Variants in CAMKMT observed in about 807,000 individuals in gnomAD.
The protein encoded by CAMKMT is CaM KMT.
CAMKMT carries 53 observed loss-of-function variants against 48.0 expected under a neutral mutation model. The ratio of observed to expected loss-of-function variants is 1.10; its 90% confidence interval spans 0.89 to 1.39. The LOEUF (loss-of-function observed/expected upper bound fraction) is 1.39. Ranked by LOEUF, CAMKMT falls within the 40% of genes most tolerant of loss-of-function variation. The probability of loss-of-function intolerance (pLI) is 0.00; values close to 1 mark genes in which losing one functional copy is unlikely to be tolerated. For synonymous variants in CAMKMT, 165 were observed against 152.3 expected, an observed-to-expected ratio of 1.08 and a Z score of -0.61; for missense variants, 428 against 402.7, an observed-to-expected ratio of 1.06 and a Z score of -0.54.
intron 3 of CAMKMT, among the ~76,000 whole-genome samples, chr2:44,616,541 T>G (rs1671900437): frequency 6.6e-6 from 1 of 151,934 alleles, no homozygotes; most frequent in African/African-American, 2.4e-5. Context: ...ACAATATATT[T>G]TTTTGATTCA....
At chr2:44,490,021 C>T (rs950605583) in intron 3 of CAMKMT, among the ~76,000 whole-genome samples, 3 of 152,012 alleles carry the variant, frequency 2.0e-5, no homozygotes, top group African/African-American at 7.2e-5. Context: ...CACACACACA[C>T]ACAAATATAT....
At chr2:44,524,964 A>AT (rs1442381752) in intron 3 of CAMKMT, among the ~76,000 whole-genome samples, 9 of 150,240 alleles carry the variant, frequency 6.0e-5, no homozygotes, top group Middle Eastern at 3.5e-3. Flanking sequence ...TGCAAATTTC[A>AT]TAAAAAAAAA....
chr2:44,405,365 A>T (rs990249774), intron 3 of CAMKMT, among the ~76,000 whole-genome samples: 1 of 152,126 alleles, frequency 6.6e-6, no homozygotes, highest in African/African-American at 2.4e-5. Flanking sequence ...TATAGCAATC[A>T]AAAAGAATGG....
At chr2:44,406,274 TAA>T (rs1004908372) in intron 3 of CAMKMT, among the ~76,000 whole-genome samples, 7 of 152,166 alleles carry the variant, frequency 4.6e-5, no homozygotes, top group South Asian at 2.1e-4. Flanking sequence ...CATTTTGCCT[TAA>T]GTCTTTTTTT....
chr2:44,439,694 C>T (rs1666517311), intron 3 of CAMKMT, among the ~76,000 whole-genome samples: 1 of 151,824 alleles, frequency 6.6e-6, no homozygotes, highest in Non-Finnish European at 1.5e-5. Flanking sequence ...AAAAATCAGC[C>T]GGGCGTCGTG....
At chr2:44,681,560 G>T (rs1445744289) in intron 3 of CAMKMT, among the ~76,000 whole-genome samples, 1 of 151,282 alleles carries the variant, frequency 6.6e-6, no homozygotes, top group Non-Finnish European at 1.5e-5. Context: ...TTTTTTGGAG[G>T]GGGAGGGGAA....
intron 1 of CAMKMT, among the ~76,000 whole-genome samples, chr2:44,368,664 C>G (rs786620): frequency 6.6e-6 from 1 of 151,868 alleles, no homozygotes; most frequent in Non-Finnish European, 1.5e-5. Context: ...TACCTTGGTG[C>G]CATTACCTTG....
At chr2:44,602,785 C>A (rs1187146831) in intron 3 of CAMKMT, among the ~76,000 whole-genome samples, 2 of 152,040 alleles carry the variant, frequency 1.3e-5, no homozygotes, top group African/African-American at 4.8e-5. Context: ...GGAAAATTCG[C>A]ATCCACGATC....
intron 3 of CAMKMT, among the ~76,000 whole-genome samples, chr2:44,450,101 C>T (rs1008477232): frequency 2.6e-5 from 4 of 152,012 alleles, no homozygotes; most frequent in Admixed American, 2.0e-4. Flanking sequence ...AATGAGGGAC[C>T]GATGCTTTTA....
chr2:44,729,023 T>TAA (rs58088335), intron 7 of CAMKMT, among the ~76,000 whole-genome samples: 1 of 146,688 alleles, frequency 6.8e-6, no homozygotes, highest in Non-Finnish European at 1.5e-5. Context: ...TTTGTTTTTT[T>TAA]AAAAAAAAAA....
intron 3 of CAMKMT, among the ~76,000 whole-genome samples, chr2:44,659,896 A>G (rs1486194369): frequency 1.3e-5 from 2 of 152,176 alleles, no homozygotes; most frequent in Non-Finnish European, 2.9e-5. Context: ...ATTATTATAG[A>G]ACAGTAATTC....
rs930552505 is a variant in CAMKMT at position 44,618,035 on chromosome 2, C to G, written c.377-86248C>G. ...CTGAGCTATTCTTTTCATCTCCTTC[C>G]TGTTTCTTTGTATACACTTCTAGTA... On this transcript the variant is annotated intron_variant, in intron 3 of 10. Coordinates refer to ENST00000378494, the MANE Select transcript of CAMKMT (RefSeq NM_024766.5). The surrounding 1 kb of genome is among the most constrained non-coding windows in gnomAD (Gnocchi z 4.0). Among the ~76,000 whole-genome samples, 1 of 152,166 alleles carries G rather than the reference C, an allele frequency of 6.6e-6. No individual in the cohort carries two copies. The highest frequency in any genetic ancestry group is 2.4e-5 in the African/African-American group (1 of 41,432).
At chr2:44,638,158 A>G (rs1023649192) in intron 3 of CAMKMT, among the ~76,000 whole-genome samples, 8 of 152,228 alleles carry the variant, frequency 5.3e-5, no homozygotes, top group East Asian at 3.9e-4. Context: ...CTATGAAACT[A>G]TATATACTTT....
At position 44,772,083 on chromosome 2, in the gene CAMKMT, G is replaced by A. The variant is rs745803148; in HGVS notation, c.942G>A (p.Pro314=). 33 of 1,613,616 alleles carry A rather than the reference G, an allele frequency of 2.0e-5. 1 individual carries two copies. The East Asian group carries it at 2.5e-4, about 12-fold the overall frequency. The change falls in exon 11 of 11, where the codon CCG becomes CCA. Residue 314 remains proline (P), a synonymous_variant. Coordinates refer to ENST00000378494, the MANE Select transcript of CAMKMT (RefSeq NM_024766.5). ...PDIYEENLHY[P]LLLILTKHG ...TATATGAAGAAAACCTTCATTACCC[G>A]CTTCTGCTTATTTTGACCAAACATG...
At chr2:44,588,058 G>A (rs1359921321) in intron 3 of CAMKMT, among the ~76,000 whole-genome samples, 9 of 139,880 alleles carry the variant, frequency 6.4e-5, no homozygotes, top group Admixed American at 5.8e-4. Flanking sequence ...GCCGCCCATC[G>A]TCTGAGATGT....
Position 44,372,759 on chromosome 2 carries a change from C to G in CAMKMT, c.182C>G (p.Ser61Cys), listed in dbSNP as rs756743744. 2.5e-6 allele frequency: 4 copies of G among 1,613,540 alleles called. No individual in the cohort carries two copies. The highest frequency in any genetic ancestry group is 1.1e-5 in the South Asian group (1 of 90,998). ...KHLDDCLRHV[S>C]VRRFESFNLF... ...CTGGATGATTGCCTGCGACATGTAT[C>G]TGTAAGAAGATTTGAATCATTTAAT... is the stretch of plus-strand genomic sequence containing the variant. The change falls in exon 2 of 11, where the codon TCT (serine) becomes TGT (cysteine). Residue 61 changes from serine (S) to cysteine (C), a missense_variant. Ser to Cys is a moderately radical substitution (Grantham distance 112). Coordinates refer to ENST00000378494, the MANE Select transcript of CAMKMT (RefSeq NM_024766.5).
intron 3 of CAMKMT, among the ~76,000 whole-genome samples, chr2:44,527,091 T>G (rs1008574650): frequency 6.8e-6 from 1 of 147,314 alleles, no homozygotes; most frequent in African/African-American, 2.5e-5. Context: ...ACCCCCAGTT[T>G]TTTTTTTTTT....
intron 3 of CAMKMT, among the ~76,000 whole-genome samples, chr2:44,503,818 A>T (rs1438581696): frequency 2.0e-5 from 3 of 152,118 alleles, no homozygotes; most frequent in Admixed American, 1.3e-4. Flanking sequence ...GAGGCTAGGA[A>T]ATCTAAGATC....
At chr2:44,671,315 C>T (rs1675313038) in intron 3 of CAMKMT, among the ~76,000 whole-genome samples, 1 of 152,138 alleles carries the variant, frequency 6.6e-6, no homozygotes, top group African/African-American at 2.4e-5. Flanking sequence ...ATTTGTGATA[C>T]CCATGTATTT....
Sources: gnomAD v4.1 joint callset for allele counts (sites outside exome capture counted in the v4.1 genomes callset) on GRCh38, gnomAD v4.1.1 for gene constraint, Gnocchi (gnomAD v3.1) non-coding constraint, MANE v1.5 for transcripts, NCBI Gene and HGNC (gene_info 2026-07-23, HGNC 2026-07-21) for gene names.